The following BCAS3 variants were observed in gnomAD, a reference collection of about 807,000 sequenced individuals.
BCAS3 encodes the protein BCAS4/BCAS3 fusion.
Under a neutral mutation model 116.1 loss-of-function variants are expected in BCAS3, and 53 were observed. The observed-to-expected ratio is 0.46, with a 90% confidence interval of 0.37 to 0.57. The LOEUF is 0.57. Ranked by LOEUF, BCAS3 falls within the 20% of genes least tolerant of loss-of-function variation. BCAS3 has a pLI of 0.00. For synonymous variants in BCAS3, 391 were observed against 408.2 expected (o/e 0.96, Z 0.51); for missense variants, 917 against 1,165.4 (o/e 0.79, Z 3.10).
At chr17:61,127,622 C>A (rs1343876165) in intron 22 of BCAS3, among the ~76,000 whole-genome samples, 12 of 149,884 alleles carry the variant, frequency 8.0e-5, no homozygotes. Context: ...GTAGAAAGTT[C>A]TGTTGCAGAC....
intron 9 of BCAS3, among the ~76,000 whole-genome samples, chr17:60,887,720 A>G (rs1320580589): frequency 6.6e-6 from 1 of 152,200 alleles, no homozygotes; most frequent in Non-Finnish European, 1.5e-5. Flanking sequence ...TGTCCTTGCC[A>G]GGAGAAATAA....
chr17:60,769,928 C>G (rs2044492942), intron 6 of BCAS3, among the ~76,000 whole-genome samples: 1 of 152,012 alleles, frequency 6.6e-6, no homozygotes, highest in Admixed American at 6.6e-5. Context: ...GTGCCCGCCA[C>G]CATGCCCAGC....
rs990660918 is a variant in BCAS3 at position 61,352,700 on chromosome 17, C to T, written c.2426-15627C>T. The stretch of plus-strand genomic sequence containing the variant: ...TTGGGCATTTTTTCACACTTACTAA[C>T]GAGTGGGCTTTTGACAAGGCCTAAG... On this transcript the variant is annotated intron_variant, in intron 22 of 23. Transcript: ENST00000407086. The surrounding 1 kb of genome is among the most constrained non-coding windows in gnomAD (Gnocchi z 4.7). 3.9e-5 allele frequency among the ~76,000 whole-genome samples: 6 copies of T among 152,200 alleles called. No homozygotes were observed. Among genetic ancestry groups the T allele is most frequent in the Non-Finnish European group, 8.8e-5 (6 of 68,042 alleles).
intron 23 of BCAS3, among the ~76,000 whole-genome samples, chr17:61,386,713 C>T (rs562112307): frequency 1.3e-5 from 2 of 152,020 alleles, no homozygotes; most frequent in East Asian, 1.9e-4. Flanking sequence ...TTTGATTGGC[C>T]AGACGTCCAG....
chr17:60,683,866 C>CA (rs1312680116), intron 2 of BCAS3, 116 bp from the exon 3 acceptor site: 5 of 935,672 alleles, frequency 5.3e-6, no homozygotes, highest in Non-Finnish European at 8.1e-6. Flanking sequence ...AAAAAAACCC[C>CA]AAAAAACAAA....
intron 11 of BCAS3, among the ~76,000 whole-genome samples, chr17:60,906,111 T>C (rs2089331403): frequency 6.6e-6 from 1 of 152,244 alleles, no homozygotes; most frequent in Admixed American, 6.5e-5. Flanking sequence ...CAGCTTGATC[T>C]TTCAGGCTGC....
At chr17:60,880,568 G>T (rs944033964) in intron 9 of BCAS3, among the ~76,000 whole-genome samples, 1 of 152,160 alleles carries the variant, frequency 6.6e-6, no homozygotes, top group African/African-American at 2.4e-5. Flanking sequence ...GATTACAGGC[G>T]TGAGCCACCG....
rs1199682623 is a variant in BCAS3, at chr17:61,131,268, A to G, written c.2425+46704A>G. Among the ~76,000 whole-genome samples, 2 of 152,226 alleles carry G rather than the reference A, an allele frequency of 1.3e-5. No individual in the cohort carries two copies. The highest frequency in any genetic ancestry group is 2.9e-5 in the Non-Finnish European group (2 of 68,048). On this transcript the variant is annotated intron_variant, in intron 22 of 23. Transcript: ENST00000407086. The surrounding 1 kb of genome is among the most constrained non-coding windows in gnomAD (Gnocchi z 4.4). ...CAAAAATAACACTCGTATCATAGAC[A>G]TTAGAGAGTTCTTACTTGGAAAGTT...
chr17:61,008,174 G>A lies in BCAS3; in HGVS notation c.1487-7577G>A, dbSNP rs932130115. On this transcript the variant is annotated intron_variant, in intron 15 of 23. Transcript: ENST00000407086. This position sits in a 1 kb window ranked among gnomAD's most constrained non-coding sequence, Gnocchi z 4.6. ...TCAGAAGGCACTGTTTCTCACCAGG[G>A]TGCTGCTGTTTCCTTTTCCGACTTG... Among the ~76,000 whole-genome samples, 1 of 152,054 alleles carries A rather than the reference G, an allele frequency of 6.6e-6. No homozygotes were observed. Among genetic ancestry groups the A allele is most frequent in the African/African-American group, 2.4e-5 (1 of 41,412 alleles).
chr17:60,871,587 T>G (rs1330851399), intron 8 of BCAS3, among the ~76,000 whole-genome samples: 2 of 151,386 alleles, frequency 1.3e-5, no homozygotes, highest in Non-Finnish European at 3.0e-5. Context: ...TTTGCCAGGG[T>G]TTTTTTTGGT....
rs934774939 is a variant in BCAS3 at position 61,339,079 on chromosome 17, T to C, written c.2426-29248T>C. ...CCCATCTGCCTCTCCCATTTTCTCATGTTCTTTTGGACTCTATTACTCAAT... is the reference window on the plus strand; with the variant it reads ...CCCATCTGCCTCTCCCATTTTCTCACGTTCTTTTGGACTCTATTACTCAAT... On this transcript the variant is annotated intron_variant, in intron 22 of 23. Transcript: ENST00000407086. This position sits in a 1 kb window ranked among gnomAD's most constrained non-coding sequence, Gnocchi z 4.4. 6.6e-6 allele frequency among the ~76,000 whole-genome samples: 1 copy of C among 151,978 alleles called. No homozygotes were observed. Among genetic ancestry groups the C allele is most frequent in the Admixed American group, 6.6e-5 (1 of 15,264 alleles).
chr17:61,327,266 C>A lies in BCAS3; in HGVS notation c.2426-41061C>A, dbSNP rs1414740475. Among the ~76,000 whole-genome samples the A allele has an allele frequency of 6.6e-6, 1 of 152,028 alleles. No homozygotes were observed. The highest frequency in any genetic ancestry group is 2.4e-5 in the African/African-American group (1 of 41,368). ...GCAGTGAGCCAAGATTGCACCATTG[C>A]ACTTCAGCCTGGCAACAGAGTGAAA... On this transcript the variant is annotated intron_variant, in intron 22 of 23. Transcript: ENST00000407086. The surrounding 1 kb of genome is among the most constrained non-coding windows in gnomAD (Gnocchi z 5.9).
At chr17:60,842,294 G>C (rs2052018451) in intron 7 of BCAS3, among the ~76,000 whole-genome samples, 1 of 152,004 alleles carries the variant, frequency 6.6e-6, no homozygotes, top group South Asian at 2.1e-4. Context: ...GATTGCAATG[G>C]AATTTCAGCT....
Position 61,211,835 on chromosome 17 carries a change from G to A in BCAS3, c.2425+127271G>A, listed in dbSNP as rs1213238235. Among the ~76,000 whole-genome samples the A allele has an allele frequency of 2.0e-5, 3 of 152,326 alleles. No individual in the cohort carries two copies. Among genetic ancestry groups the A allele is most frequent in the African/African-American group, 7.2e-5 (3 of 41,558 alleles). The stretch of plus-strand genomic sequence containing the variant: ...GGTAAAATATTTCAGGCATAGACTT[G>A]GAGAGCAAGCTGCCCACCAGGGCAG... On this transcript the variant is annotated intron_variant, in intron 22 of 23. Transcript: ENST00000407086. This position sits in a 1 kb window ranked among gnomAD's most constrained non-coding sequence, Gnocchi z 4.4.
chr17:61,112,796 A>AT (rs1343604948), intron 22 of BCAS3, among the ~76,000 whole-genome samples: 12 of 152,060 alleles, frequency 7.9e-5, no homozygotes, highest in Middle Eastern at 3.4e-3. Flanking sequence ...TTTTTTCAGC[A>AT]TCACACCACA....
intron 7 of BCAS3, among the ~76,000 whole-genome samples, chr17:60,867,719 C>T (rs2054742443): frequency 1.3e-5 from 2 of 152,058 alleles, no homozygotes; most frequent in Admixed American, 1.3e-4. Context: ...TTTATACAAT[C>T]AAGTTTTTAG....
At chr17:60,898,375 G>T (rs2145044115) in intron 10 of BCAS3, among the ~76,000 whole-genome samples, 1 of 152,134 alleles carries the variant, frequency 6.6e-6, no homozygotes, top group South Asian at 2.1e-4. Context: ...TTTTATTAAT[G>T]AAGATATATC....
intron 23 of BCAS3, among the ~76,000 whole-genome samples, chr17:61,386,634 C>T (rs2059865012): frequency 6.6e-6 from 1 of 152,220 alleles, no homozygotes; most frequent in African/African-American, 2.4e-5. Context: ...CTCCCTGGCC[C>T]CTCTCAGGTC....
chr17:60,949,593 G>C (rs1212858115), intron 14 of BCAS3, among the ~76,000 whole-genome samples: 1 of 152,026 alleles, frequency 6.6e-6, no homozygotes, highest in African/African-American at 2.4e-5. Flanking sequence ...ATTTTTATGG[G>C]TACATAATAG....
Sources: gnomAD v4.1 joint callset for allele counts (sites outside exome capture counted in the v4.1 genomes callset) on GRCh38, gnomAD v4.1.1 for gene constraint, Gnocchi (gnomAD v3.1) non-coding constraint, MANE v1.5 for transcripts, NCBI Gene and HGNC (gene_info 2026-07-23, HGNC 2026-07-21) for gene names.